The following NRG1 variants were observed in gnomAD, a reference collection of about 807,000 sequenced individuals.
NRG1 encodes neuregulin 1.
In NRG1, 18 loss-of-function variants were observed where a neutral mutation model predicts 63.8. The observed-to-expected ratio is 0.28, with a 90% CI of 0.19 to 0.42. The LOEUF is 0.42. Ranked by LOEUF, NRG1 falls within the 10% of genes least tolerant of loss-of-function variation. NRG1 has a pLI of 1.00. For missense variants in NRG1, 762 were observed against 814.7 expected, an observed-to-expected ratio of 0.94 and a Z score of 0.79; for synonymous variants, 302 against 301.3, an observed-to-expected ratio of 1.00 and a Z score of -0.02.
chr8:32,242,535 A>G (rs1848209329), intron 1 of NRG1, among the ~76,000 whole-genome samples: 1 of 152,198 alleles, frequency 6.6e-6, no homozygotes, highest in Non-Finnish European at 1.5e-5. Flanking sequence ...AGTGTCTGAC[A>G]CTTAAGTTCT....
intron 1 of NRG1, among the ~76,000 whole-genome samples, chr8:32,168,014 A>G (rs1248488616): frequency 6.6e-6 from 1 of 152,062 alleles, no homozygotes; most frequent in East Asian, 1.9e-4. Flanking sequence ...TTATCTAGTA[A>G]TTTCATTTAG....
At chr8:32,013,438 G>A (rs1485626403) in intron 1 of NRG1, among the ~76,000 whole-genome samples, 2 of 152,118 alleles carry the variant, frequency 1.3e-5, no homozygotes, top group Admixed American at 1.3e-4. Flanking sequence ...GAGCATGCCT[G>A]CTAATAACTG....
chr8:31,722,735 A>G (rs1424934519), intron 1 of NRG1, among the ~76,000 whole-genome samples: 4 of 152,188 alleles, frequency 2.6e-5, no homozygotes, highest in African/African-American at 7.2e-5. Context: ...GAGTTAACCC[A>G]TAGTCTGTAT....
intron 1 of NRG1, among the ~76,000 whole-genome samples, chr8:32,529,223 T>C (rs573071063): frequency 6.6e-6 from 1 of 152,186 alleles, no homozygotes; most frequent in South Asian, 2.1e-4. Flanking sequence ...TATCTAAACA[T>C]AGAAAAGGTA....
intron 1 of NRG1, among the ~76,000 whole-genome samples, chr8:31,943,400 G>A (rs1253868166): frequency 6.6e-6 from 1 of 152,074 alleles, no homozygotes; most frequent in Non-Finnish European, 1.5e-5. Flanking sequence ...TTGGGGACTG[G>A]CGAAGGATAA....
intron 1 of NRG1, among the ~76,000 whole-genome samples, chr8:32,448,204 T>G (rs11993611): frequency 4.6e-5 from 7 of 151,930 alleles, no homozygotes; most frequent in African/African-American, 1.5e-4. Flanking sequence ...TAAGTAAATG[T>G]GTTTATTTTT....
chr8:32,734,329 G>A (rs1478031825), intron 6 of NRG1, among the ~76,000 whole-genome samples: 1 of 152,194 alleles, frequency 6.6e-6, no homozygotes, highest in Non-Finnish European at 1.5e-5. Flanking sequence ...TCACAGTTGT[G>A]TCCTGCAGTC....
At chr8:32,650,996 C>T (rs1327877373) in intron 5 of NRG1, among the ~76,000 whole-genome samples, 1 of 152,100 alleles carries the variant, frequency 6.6e-6, no homozygotes, top group East Asian at 1.9e-4. Flanking sequence ...GAGACAATCC[C>T]AGTAATTGTG....
intron 1 of NRG1, among the ~76,000 whole-genome samples, chr8:32,584,330 C>T (rs75918844): frequency 6.6e-6 from 1 of 152,280 alleles, no homozygotes; most frequent in East Asian, 1.9e-4. Flanking sequence ...CTTCCCTGAT[C>T]TTCCTGTGGG....
At chr8:31,679,509 A>G (rs553534088) in intron 1 of NRG1, among the ~76,000 whole-genome samples, 17 of 152,292 alleles carry the variant, frequency 1.1e-4, no homozygotes, top group Non-Finnish European at 1.9e-4. Flanking sequence ...CAGAAGATGT[A>G]AAAACTGCAT....
exon 1 of NRG1, chr8:32,548,386 G>A (rs1833370694): frequency 2.9e-6 from 3 of 1,051,100 alleles, no homozygotes; most frequent in Non-Finnish European, 1.1e-6. Flanking sequence ...GGGAGCGTGA[G>A]CAGGACGGTG....
chr8:32,291,037 G>A (rs958853810), intron 1 of NRG1, among the ~76,000 whole-genome samples: 4 of 152,104 alleles, frequency 2.6e-5, no homozygotes, highest in African/African-American at 9.7e-5. Context: ...TCCATACCCA[G>A]GAAGAGCTGA....
At chr8:32,231,594 G>A (rs532468631) in intron 1 of NRG1, among the ~76,000 whole-genome samples, 3 of 151,956 alleles carry the variant, frequency 2.0e-5, no homozygotes, top group South Asian at 2.1e-4. Context: ...TTGTAATATG[G>A]CACTTTAAAT....
chr8:32,216,505 A>G (rs1845243274), intron 1 of NRG1, among the ~76,000 whole-genome samples: 2 of 149,420 alleles, frequency 1.3e-5, no homozygotes, highest in Admixed American at 1.3e-4. Flanking sequence ...GTTTCTCTTG[A>G]CAACCTTACT....
At chr8:32,261,548 G>A (rs1450294249) in intron 1 of NRG1, among the ~76,000 whole-genome samples, 1 of 151,954 alleles carries the variant, frequency 6.6e-6, no homozygotes, top group Admixed American at 6.6e-5. Context: ...TCTTTTTTGA[G>A]TTCTGTCTGC....
chr8:31,687,513 G>A (rs1809026976), intron 1 of NRG1, among the ~76,000 whole-genome samples: 2 of 152,200 alleles, frequency 1.3e-5, no homozygotes, highest in South Asian at 4.1e-4. Context: ...AGACTGATCA[G>A]CTGAAATCAT....
chr8:31,813,068 C>T (rs73674081), intron 1 of NRG1, among the ~76,000 whole-genome samples: 2,527 of 152,190 alleles, frequency 0.017, 78 homozygotes, highest in African/African-American at 0.055. Context: ...CACAGCTGCC[C>T]GTCATGGATA....
chr8:31,682,502 G>A (rs972775380), intron 1 of NRG1, among the ~76,000 whole-genome samples: 3 of 152,106 alleles, frequency 2.0e-5, no homozygotes, highest in Admixed American at 2.0e-4. Context: ...TACACACATT[G>A]TACTAAAGTC....
At chr8:32,535,792 T>A (rs1181097065) in intron 1 of NRG1, among the ~76,000 whole-genome samples, 1 of 152,212 alleles carries the variant, frequency 6.6e-6, no homozygotes. Flanking sequence ...GTCAGCGCAC[T>A]TTTTGTGCCT....
Sources: gnomAD v4.1 joint callset for allele counts (sites outside exome capture counted in the v4.1 genomes callset) on GRCh38, gnomAD v4.1.1 for gene constraint, MANE v1.5 for transcripts, NCBI Gene and HGNC (gene_info 2026-07-23, HGNC 2026-07-21) for gene names.